Variants in COL24A1 observed in about 807,000 individuals in gnomAD.
COL24A1 encodes collagen type XXIV alpha 1 chain, also known as collagen alpha-1(XXIV) chain.
COL24A1 carries 224 observed loss-of-function variants against 253.9 expected under a neutral mutation model. That is an observed-to-expected ratio of 0.88 (90% CI 0.79 to 0.99). COL24A1 has a LOEUF of 0.99. COL24A1 is among the 50% of genes least tolerant of loss of function. The pLI is 0.00. For missense variants in COL24A1, 2,131 were observed against 2,068.5 expected (o/e 1.03, Z -0.59); for synonymous variants, 685 against 673.7 (o/e 1.02, Z -0.26).
intron 53 of COL24A1, among the ~76,000 whole-genome samples, chr1:85,765,803 A>C (rs909312966): frequency 6.6e-6 from 1 of 152,090 alleles, no homozygotes; most frequent in Non-Finnish European, 1.5e-5. Context: ...ATAAGTTAAA[A>C]TTTTACTTAG....
At chr1:85,823,635 A>T (rs1673890579) in intron 44 of COL24A1, 46 bp from the exon 45 acceptor site, 1 of 1,613,046 alleles carries the variant, frequency 6.2e-7, no homozygotes, top group African/African-American at 1.3e-5. Context: ...GCAGAGACCA[A>T]ATAAGTTATA....
chr1:86,117,081 G>T (rs990907266), intron 3 of COL24A1, among the ~76,000 whole-genome samples: 1 of 151,310 alleles, frequency 6.6e-6, no homozygotes, highest in Non-Finnish European at 1.5e-5. Context: ...AAATGAAAAA[G>T]AAAATGAAAA....
intron 24 of COL24A1, among the ~76,000 whole-genome samples, chr1:85,922,329 T>C (rs1686612001): frequency 1.3e-5 from 2 of 152,132 alleles, no homozygotes; most frequent in Non-Finnish European, 2.9e-5. Flanking sequence ...TCCACAAAGA[T>C]ACTCCTTGAG....
intron 42 of COL24A1, among the ~76,000 whole-genome samples, chr1:85,840,581 C>T (rs1243229821): frequency 6.6e-6 from 1 of 152,034 alleles, no homozygotes; most frequent in South Asian, 2.1e-4. Flanking sequence ...ATATTTATTT[C>T]TATGGACTAA....
chr1:85,889,438 T>C, intron 32 of COL24A1, 122 bp downstream of exon 32: 6 of 776,460 alleles, frequency 7.7e-6, no homozygotes, highest in Non-Finnish European at 1.3e-5. Flanking sequence ...GATTAGTCTA[T>C]GGTGTCTATG....
intron 24 of COL24A1, among the ~76,000 whole-genome samples, chr1:85,947,292 C>T (rs1269878920): frequency 6.6e-6 from 1 of 152,128 alleles, no homozygotes; most frequent in Admixed American, 6.6e-5. Context: ...AAATTTCTGC[C>T]ATATGCCAGG....
At chr1:85,877,258 A>T in intron 32 of COL24A1, 83 bp from the exon 33 acceptor site, 2 of 892,206 alleles carry the variant, frequency 2.2e-6, no homozygotes, top group Non-Finnish European at 3.4e-6. Context: ...TGGGTTTTAT[A>T]ATATAACACA....
chr1:85,815,585 GGTTAA>G (rs1672978307), intron 47 of COL24A1, among the ~76,000 whole-genome samples: 3 of 151,936 alleles, frequency 2.0e-5, no homozygotes, highest in South Asian at 2.1e-4. Flanking sequence ...TAATTATATT[GGTTAA>G]GTTATCATTT....
intron 52 of COL24A1, among the ~76,000 whole-genome samples, chr1:85,776,959 T>A (rs6692620): frequency 0.73 from 111,015 of 151,184 alleles, 41,596 homozygotes; most frequent in Non-Finnish European, 0.81. Context: ...TTACTTATTT[T>A]TTTTTTTTTG....
rs372055277 is a variant in COL24A1 at position 85,785,313 on chromosome 1, T to C, written c.4060-947A>G. 5.3e-4 allele frequency among the ~76,000 whole-genome samples: 81 copies of C among 152,366 alleles called. 1 individual carries two copies. The South Asian group carries it at 0.016, about 31-fold the overall frequency. On this transcript the variant is annotated intron_variant, in intron 48 of 59. Coordinates refer to ENST00000370571, the MANE Select transcript of COL24A1 (RefSeq NM_152890.7). The stretch of plus-strand genomic sequence containing the variant: ...AGTCTTTTTTCATTGATTTTTATTT[T>C]TGAAATGAGAGTTGAAATATCTTTC...
intron 55 of COL24A1, among the ~76,000 whole-genome samples, chr1:85,756,257 T>TA (rs1666247072): frequency 6.6e-6 from 1 of 151,816 alleles, no homozygotes; most frequent in Non-Finnish European, 1.5e-5. Flanking sequence ...CCAGCTCTAC[T>TA]AAAAATACAA....
chr1:85,822,257 T>C (rs568182187), intron 45 of COL24A1, among the ~76,000 whole-genome samples: 1 of 152,322 alleles, frequency 6.6e-6, no homozygotes, highest in Admixed American at 6.5e-5. Context: ...CCCCATTTTA[T>C]TACTTACTCC....
intron 24 of COL24A1, among the ~76,000 whole-genome samples, chr1:85,918,171 T>G (rs1686088331): frequency 6.6e-6 from 1 of 151,840 alleles, no homozygotes; most frequent in Non-Finnish European, 1.5e-5. Context: ...CTGGATCTTG[T>G]TTAAGAAAGC....
intron 53 of COL24A1, among the ~76,000 whole-genome samples, chr1:85,768,880 T>C (rs1265323325): frequency 1.3e-5 from 2 of 152,178 alleles, no homozygotes; most frequent in Non-Finnish European, 2.9e-5. Flanking sequence ...ATGTATCCGG[T>C]GCTATAATAG....
At chr1:86,112,128 C>T (rs1249315275) in intron 5 of COL24A1, among the ~76,000 whole-genome samples, 1 of 152,036 alleles carries the variant, frequency 6.6e-6, no homozygotes, top group African/African-American at 2.4e-5. Context: ...AACATTTGTT[C>T]ATTCTTTAAA....
chr1:85,891,051 T>C (rs1683073084), intron 31 of COL24A1, among the ~76,000 whole-genome samples: 1 of 151,654 alleles, frequency 6.6e-6, no homozygotes, highest in East Asian at 1.9e-4. Flanking sequence ...ATTGCATCTT[T>C]TTTTCTTTTT....
chr1:86,098,173 G>C (rs200415874), intron 5 of COL24A1, among the ~76,000 whole-genome samples: 2 of 152,288 alleles, frequency 1.3e-5, no homozygotes, highest in East Asian at 3.9e-4. Flanking sequence ...TCTGCATGGA[G>C]TGACTAGAAT....
chr1:85,851,424 C>G (rs961348013), intron 37 of COL24A1, among the ~76,000 whole-genome samples: 1 of 152,058 alleles, frequency 6.6e-6, no homozygotes, highest in African/African-American at 2.4e-5. Flanking sequence ...GTACTTGTCT[C>G]TATGTGCTCA....
In COL24A1 at chr1:85,734,778, C is replaced by G. The variant is rs200734872; in HGVS notation, c.4969G>C (p.Glu1657Gln). ...CAGTCATCTGAAAGCACTTTAGGTT[C>G]AAGTAGAGTGTTTACTTTAAAAATC... ...GQIFKVNTLL[E>Q]PKVLSDDCKI... The change falls in exon 59 of 60, where the codon GAA (glutamate) becomes CAA (glutamine). Residue 1657 changes from glutamate to glutamine, a missense_variant. Coordinates refer to ENST00000370571, the MANE Select transcript of COL24A1 (RefSeq NM_152890.7). The G allele has an allele frequency of 1.0e-3, 1,686 of 1,614,162 alleles. 2 individuals are homozygous for G. The highest frequency in any genetic ancestry group is 1.1e-3 in the Non-Finnish European group (1,247 of 1,180,022).
Sources: gnomAD v4.1 joint callset for allele counts (sites outside exome capture counted in the v4.1 genomes callset) on GRCh38, gnomAD v4.1.1 for gene constraint, MANE v1.5 for transcripts, NCBI Gene and HGNC (gene_info 2026-07-23, HGNC 2026-07-21) for gene names.